Variants in SLC12A2 observed in about 807,000 individuals in gnomAD.
The protein encoded by SLC12A2 is solute carrier family 12 member 2.
SLC12A2 carries 67 observed loss-of-function variants against 136.3 expected under a neutral mutation model. The observed-to-expected ratio is 0.49, with a 90% CI of 0.40 to 0.60. SLC12A2 has a LOEUF of 0.60. Among genes scored for constraint, SLC12A2 ranks in the 20% least tolerant of loss-of-function variants. The probability of loss-of-function intolerance (pLI) is 0.00; values close to 1 mark genes in which losing one functional copy is unlikely to be tolerated. For synonymous variants in SLC12A2, 619 were observed against 562.9 expected (o/e 1.10, Z -1.41); for missense variants, 1,322 against 1,534.7 (o/e 0.86, Z 2.32).
chr5:128,091,582 G>A (rs1407968897), intron 1 of SLC12A2, among the ~76,000 whole-genome samples: 1 of 152,106 alleles, frequency 6.6e-6, no homozygotes, highest in Admixed American at 6.5e-5. Flanking sequence ...AAACATTAGT[G>A]GTGTCTCATT....
intron 1 of SLC12A2, among the ~76,000 whole-genome samples, chr5:128,098,542 T>C (rs77065910): frequency 2.0e-5 from 3 of 151,968 alleles, no homozygotes; most frequent in African/African-American, 7.2e-5. Context: ...TATTTGGATG[T>C]CTAGCAGTTT....
At chr5:128,166,468 GTGTGTGTGTGTGTT>G (rs1763207812) in intron 17 of SLC12A2, among the ~76,000 whole-genome samples, 1 of 151,884 alleles carries the variant, frequency 6.6e-6, no homozygotes, top group South Asian at 2.1e-4. Flanking sequence ...AAATGTGTGT[GTGTGTGTGTGTGTT>G]TGTGTGTGTG....
intron 1 of SLC12A2, chr5:128,111,017 T>G: frequency 1.4e-6 from 1 of 722,444 alleles, no homozygotes; most frequent in Non-Finnish European, 2.6e-6. Context: ...TAACTTCTAT[T>G]AAAATAATGG....
intron 1 of SLC12A2, chr5:128,111,042 T>C: frequency 1.5e-6 from 1 of 662,398 alleles, no homozygotes; most frequent in South Asian, 1.6e-5. Context: ...CTGAAGACTC[T>C]TAACTAAAAA....
intron 1 of SLC12A2, among the ~76,000 whole-genome samples, chr5:128,100,976 C>T (rs1480682443): frequency 6.6e-6 from 1 of 152,138 alleles, no homozygotes; most frequent in Non-Finnish European, 1.5e-5. Context: ...TCTTTGTAAT[C>T]AGCAGTTCTG....
At chr5:128,085,508 A>T (rs1277193883) in intron 1 of SLC12A2, among the ~76,000 whole-genome samples, 1 of 152,052 alleles carries the variant, frequency 6.6e-6, no homozygotes, top group Middle Eastern at 3.2e-3. Context: ...TTTTGTAACT[A>T]TTTTTTATGG....
rs1763248805 is a variant in SLC12A2, at chr5:128,167,779, A to G, written c.2635A>G (p.Met879Val). 5.6e-6 allele frequency: 9 copies of G among 1,607,780 alleles called. No homozygotes were observed. Among genetic ancestry groups the G allele is most frequent in the African/African-American group, 1.3e-5 (1 of 74,594 alleles). Reference protein sequence around the residue: ...YLMQAAGLGRMKPNTLVLGFK... With the variant: ...YLMQAAGLGRVKPNTLVLGFK... ...ATTTTAGGCTGCTGGTCTTGGTCGT[A>G]TGAAGCCAAACACACTTGTCCTTGG... The change falls in exon 18 of 27, where the codon ATG becomes GTG. Residue 879 changes from methionine (M) to valine (V), a missense_variant. By Grantham distance (21) the Met-to-Val change is conservative. Around this residue, in one of 8 missense-constraint regions of SLC12A2, gnomAD observed 226 missense variants for 210.4 expected, o/e 1.07. Coordinates refer to ENST00000262461, the MANE Select transcript of SLC12A2 (RefSeq NM_001046.3).
At chr5:128,110,416 A>T in intron 1 of SLC12A2, 1 of 1,075,120 alleles carries the variant, frequency 9.3e-7, no homozygotes, top group Non-Finnish European at 1.5e-6. Flanking sequence ...TTGAGAGGGC[A>T]AGACAGCCGC....
chr5:128,089,246 G>A (rs533461297), intron 1 of SLC12A2, among the ~76,000 whole-genome samples: 1 of 152,136 alleles, frequency 6.6e-6, no homozygotes, highest in East Asian at 1.9e-4. Flanking sequence ...CTGGAGGACA[G>A]GCACCATGGT....
intron 13 of SLC12A2, among the ~76,000 whole-genome samples, chr5:128,150,917 T>C (rs1762681768): frequency 6.6e-6 from 1 of 151,968 alleles, no homozygotes; most frequent in Non-Finnish European, 1.5e-5. Context: ...ATTTGAAACC[T>C]TTCTCTTTAA....
chr5:128,183,029 CTGT>C (rs1207481310), intron 24 of SLC12A2, 88 bp downstream of exon 24: 2 of 773,464 alleles, frequency 2.6e-6, no homozygotes, highest in African/African-American at 1.8e-5. Context: ...GATTTTTTTC[CTGT>C]TGTTAGTTAC....
chr5:128,093,546 A>G (rs564513282), intron 1 of SLC12A2, among the ~76,000 whole-genome samples: 1 of 152,198 alleles, frequency 6.6e-6, no homozygotes, highest in South Asian at 2.1e-4. Context: ...AGTGTGTGCT[A>G]TATCTCTCGG....
At chr5:128,158,408 T>G (rs1762930963) in intron 16 of SLC12A2, among the ~76,000 whole-genome samples, 1 of 152,178 alleles carries the variant, frequency 6.6e-6, no homozygotes. Flanking sequence ...TGTATCCATA[T>G]GTACTTAATG....
chr5:128,100,186 G>C (rs986383831), intron 1 of SLC12A2, among the ~76,000 whole-genome samples: 3 of 152,042 alleles, frequency 2.0e-5, no homozygotes, highest in Admixed American at 2.0e-4. Context: ...ATAATCTTAT[G>C]GGACTATTGT....
rs1419245989 is a variant in SLC12A2 at position 128,178,701 on chromosome 5, A to G, written c.3100+12A>G. ...TTTTGATGATGGAGGTAAGGTTGTTAATTTTTTTAAAATGATTTTAAATTT... is the reference window on the plus strand; with the variant it reads ...TTTTGATGATGGAGGTAAGGTTGTTGATTTTTTTAAAATGATTTTAAATTT... On this transcript the variant is annotated intron_variant, in intron 22 of 26. Coordinates refer to ENST00000262461, the MANE Select transcript of SLC12A2 (RefSeq NM_001046.3). 4 of 1,526,574 alleles carry G rather than the reference A, an allele frequency of 2.6e-6. No homozygotes were observed. Among genetic ancestry groups the G allele is most frequent in the Non-Finnish European group, 3.5e-6 (4 of 1,139,106 alleles). 94.6% of individuals were successfully genotyped at this position (1,526,574 alleles called of 1,614,324 possible).
chr5:128,142,093 TA>T, intron 10 of SLC12A2, 112 bp downstream of exon 10: 1 of 941,414 alleles, frequency 1.1e-6, no homozygotes, highest in Non-Finnish European at 1.6e-6. Flanking sequence ...GGACAGTTGT[TA>T]TTTTTTTTAA....
chr5:128,135,335 A>G (rs1762150608), intron 6 of SLC12A2, among the ~76,000 whole-genome samples: 1 of 152,028 alleles, frequency 6.6e-6, no homozygotes, highest in Non-Finnish European at 1.5e-5. Flanking sequence ...CCATGTCAAG[A>G]TGGTAGTGTT....
chr5:128,145,595 C>T (rs1183356056), intron 10 of SLC12A2, among the ~76,000 whole-genome samples: 3 of 151,936 alleles, frequency 2.0e-5, no homozygotes, highest in Non-Finnish European at 2.9e-5. Flanking sequence ...GATTTTCTCC[C>T]CACTCTTAGA....
chr5:128,110,453 A>G, intron 1 of SLC12A2: 1 of 1,236,028 alleles, frequency 8.1e-7, no homozygotes, highest in African/African-American at 1.5e-5. Flanking sequence ...GGTTAAACTC[A>G]GTAGAAACAC....
Sources: allele counts gnomAD v4.1 joint callset (sites outside exome capture counted in the v4.1 genomes callset), GRCh38; gene constraint gnomAD v4.1.1; regional missense constraint gnomAD v4.1.1; transcripts MANE v1.5; gene names NCBI Gene and HGNC (gene_info 2026-07-23, HGNC 2026-07-21).